The following RORB variants were observed in gnomAD, a reference collection of about 807,000 sequenced individuals.
RORB encodes the protein nuclear receptor ROR-beta.
In RORB, 6 loss-of-function variants were observed where a neutral mutation model predicts 59.1. That is an observed-to-expected ratio of 0.10 (90% CI 0.06 to 0.20). RORB has a LOEUF of 0.20. RORB is among the 10% of genes least tolerant of loss of function. The pLI is 1.00. For missense variants in RORB, 320 were observed against 560.5 expected, an observed-to-expected ratio of 0.57 and a Z score of 4.33; for synonymous variants, 215 against 204.5, an observed-to-expected ratio of 1.05 and a Z score of -0.44.
intron 1 of RORB, among the ~76,000 whole-genome samples, chr9:74,613,049 A>C (rs1823256105): frequency 6.6e-6 from 1 of 152,230 alleles, no homozygotes; most frequent in African/African-American, 2.4e-5. Flanking sequence ...TACAAATGGT[A>C]GTAATTACTT....
chr9:74,561,115 T>C (rs188740102), intron 1 of RORB, among the ~76,000 whole-genome samples: 9 of 152,250 alleles, frequency 5.9e-5, no homozygotes, highest in Non-Finnish European at 1.0e-4. Context: ...TCCCAGTGAA[T>C]TGAATGAGAA....
chr9:74,647,119 T>G (rs1823913421), intron 4 of RORB, among the ~76,000 whole-genome samples: 1 of 152,152 alleles, frequency 6.6e-6, no homozygotes, highest in Non-Finnish European at 1.5e-5. Context: ...TAGACAGCAG[T>G]ATTAACTGGG....
At chr9:74,643,891 C>T (rs1823852864) in intron 4 of RORB, among the ~76,000 whole-genome samples, 1 of 152,216 alleles carries the variant, frequency 6.6e-6, no homozygotes, top group Admixed American at 6.5e-5. Flanking sequence ...GTTTCTCAAT[C>T]CCAGTTCCTT....
chr9:74,672,034 G>A, intron 9 of RORB, 133 bp downstream of exon 9: 1 of 553,246 alleles, frequency 1.8e-6, no homozygotes, highest in Non-Finnish European at 3.3e-6. Context: ...TAAATTGTGA[G>A]GTATGCAATT....
At chr9:74,547,508 C>A (rs1325612240) in intron 1 of RORB, among the ~76,000 whole-genome samples, 1 of 152,040 alleles carries the variant, frequency 6.6e-6, no homozygotes, top group Non-Finnish European at 1.5e-5. Flanking sequence ...AATAGTAAAC[C>A]CAAGAGGCTT....
chr9:74,623,805 C>T (rs1262812337), intron 1 of RORB, among the ~76,000 whole-genome samples: 2 of 152,282 alleles, frequency 1.3e-5, no homozygotes, highest in Non-Finnish European at 2.9e-5. Context: ...TCGGGTCCCA[C>T]GCACAAGTTA....
At chr9:74,616,430 G>T (rs186312254) in intron 1 of RORB, among the ~76,000 whole-genome samples, 2 of 152,228 alleles carry the variant, frequency 1.3e-5, no homozygotes, top group East Asian at 3.9e-4. Flanking sequence ...TTTCCACAAT[G>T]CTTATAGCTT....
chr9:74,616,213 C>G (rs1823310388), intron 1 of RORB, among the ~76,000 whole-genome samples: 1 of 152,006 alleles, frequency 6.6e-6, no homozygotes, highest in African/African-American at 2.4e-5. Flanking sequence ...ATAATATAGG[C>G]AAATTTGGAG....
At position 74,690,342 on chromosome 9, in the gene RORB, A is replaced by G. The variant is rs1023925085; in HGVS notation, c.*4724A>G. On this transcript the variant is annotated 3_prime_UTR_variant, in exon 10 of 10. Coordinates refer to ENST00000376896, the MANE Select transcript of RORB (RefSeq NM_006914.4). ...CAGGGGTTGAAAATTCGAAAGCCTA[A>G]AAGGGCCAGGGGGCTTAATGCAAAT... 3 of 152,272 alleles carry G rather than the reference A, an allele frequency of 2.0e-5. No individual in the cohort carries two copies. Among genetic ancestry groups the G allele is most frequent in the Non-Finnish European group, 4.4e-5 (3 of 68,104 alleles). 9.4% of individuals were successfully genotyped at this position (152,272 alleles called of 1,614,324 possible).
chr9:74,523,609 C>A lies in RORB; in HGVS notation c.7+25626C>A, dbSNP rs116222585. 9.0e-3 allele frequency among the ~76,000 whole-genome samples: 1,366 copies of A among 151,996 alleles called. 28 individuals carry two copies. Among genetic ancestry groups the A allele is most frequent in the African/African-American group, 0.031 (1,297 of 41,506 alleles). Reference sequence around the variant, plus strand: ...CACAACTAAAGGACTCAAGCCAGAGCTTTCAAAATAAACTCGTTGGCCTGA... The same window carrying A: ...CACAACTAAAGGACTCAAGCCAGAGATTTCAAAATAAACTCGTTGGCCTGA... On this transcript the variant is annotated intron_variant, in intron 1 of 9. Coordinates refer to ENST00000376896, the MANE Select transcript of RORB (RefSeq NM_006914.4).
chr9:74,625,879 C>T (rs1823397550), intron 1 of RORB, among the ~76,000 whole-genome samples: 1 of 152,100 alleles, frequency 6.6e-6, no homozygotes, highest in Admixed American at 6.5e-5. Flanking sequence ...AAAATGTTAC[C>T]TCCAACCAGA....
intron 1 of RORB, among the ~76,000 whole-genome samples, chr9:74,529,546 C>T (rs532869899): frequency 2.0e-5 from 3 of 151,504 alleles, no homozygotes; most frequent in Admixed American, 6.6e-5. Flanking sequence ...GGCTCAATGA[C>T]TTTTGAGAAT....
At chr9:74,620,391 C>A (rs1823393826) in intron 1 of RORB, among the ~76,000 whole-genome samples, 2 of 152,044 alleles carry the variant, frequency 1.3e-5, no homozygotes, top group East Asian at 1.9e-4. Context: ...TGGTGATATC[C>A]ATTTTATCAT....
At chr9:74,498,053 G>T in intron 1 of RORB, 70 bp downstream of exon 1, 1 of 1,559,648 alleles carries the variant, frequency 6.4e-7, no homozygotes, top group Non-Finnish European at 8.7e-7. Context: ...AGATGGGGGA[G>T]GGGAGGGCAC....
rs1304259679 is a variant in RORB at position 74,689,894 on chromosome 9, T to C, written c.*4276T>C. The C allele has an allele frequency of 6.6e-6, 1 of 152,244 alleles. No homozygotes were observed. The highest frequency in any genetic ancestry group is 1.5e-5 in the Non-Finnish European group (1 of 68,046). The allele number at this position is 152,244 out of a possible 1,614,324, so 9.4% of individuals were successfully genotyped here. On this transcript the variant is annotated 3_prime_UTR_variant, in exon 10 of 10. Transcript: ENST00000376896. Reference sequence around the variant, plus strand: ...CTATGTTCTTTGTTTCTGTTCATTATAGAAGCAAGGAAAAATTCTATTTCT... The same window carrying C: ...CTATGTTCTTTGTTTCTGTTCATTACAGAAGCAAGGAAAAATTCTATTTCT...
chr9:74,553,421 A>T lies in RORB; in HGVS notation c.7+55438A>T, dbSNP rs946916746. ...GAATTTTGAGACCCGGAGTAGTAAA[A>T]TTACTTCTCAAAGGCCATATTTTAT... On this transcript the variant is annotated intron_variant, in intron 1 of 9. Transcript: ENST00000376896. Among the ~76,000 whole-genome samples the T allele has an allele frequency of 4.6e-5, 7 of 152,256 alleles. No individual in the cohort carries two copies. The South Asian group carries it at 1.5e-3, about 32-fold the overall frequency.
intron 1 of RORB, among the ~76,000 whole-genome samples, chr9:74,627,808 AC>A (rs1434572187): frequency 6.6e-6 from 1 of 152,224 alleles, no homozygotes; most frequent in East Asian, 1.9e-4. Flanking sequence ...AAAAAAAAAA[AC>A]CATAGTACAA....
At chr9:74,622,630 G>A (rs188201366) in intron 1 of RORB, among the ~76,000 whole-genome samples, 2 of 144,278 alleles carry the variant, frequency 1.4e-5, no homozygotes, top group Admixed American at 7.4e-5. Context: ...GAGTTCAAGC[G>A]ATTCTCCTGC....
chr9:74,538,992 T>C lies in RORB; in HGVS notation c.7+41009T>C, dbSNP rs536863003. Among the ~76,000 whole-genome samples, 7 of 152,134 alleles carry C rather than the reference T, an allele frequency of 4.6e-5. No individual in the cohort carries two copies. In the South Asian group the frequency reaches 1.4e-3, roughly 31 times the overall value. On this transcript the variant is annotated intron_variant, in intron 1 of 9. Coordinates refer to ENST00000376896, the MANE Select transcript of RORB (RefSeq NM_006914.4). Reference sequence around the variant, plus strand: ...TTCATTCCTGAAATGCTCTTGCTAATGAATTCTACACTAATTAAATACAAA... The same window carrying C: ...TTCATTCCTGAAATGCTCTTGCTAACGAATTCTACACTAATTAAATACAAA...
Sources: allele counts gnomAD v4.1 joint callset (sites outside exome capture counted in the v4.1 genomes callset), GRCh38; gene constraint gnomAD v4.1.1; transcripts MANE v1.5; gene names NCBI Gene and HGNC (gene_info 2026-07-23, HGNC 2026-07-21).